The following KIZ variants were observed in gnomAD, a reference collection of about 807,000 sequenced individuals.
KIZ encodes the protein kizuna centrosomal protein.
Under a neutral mutation model 79.6 loss-of-function variants are expected in KIZ, and 68 were observed. The ratio of observed to expected loss-of-function variants is 0.85; its 90% confidence interval spans 0.70 to 1.05. The LOEUF is 1.05. Ranked by LOEUF, KIZ falls within the 50% of genes least tolerant of loss-of-function variation. The pLI is 0.00. For missense variants in KIZ, 797 were observed against 800.4 expected, an observed-to-expected ratio of 1.00 and a Z score of 0.05; for synonymous variants, 280 against 281.8, an observed-to-expected ratio of 0.99 and a Z score of 0.06.
chr20:21,180,236 TC>T (rs1375417029), intron 6 of KIZ, among the ~76,000 whole-genome samples: 6 of 150,566 alleles, frequency 4.0e-5, no homozygotes, highest in Admixed American at 2.6e-4. Context: ...TGCTCTTTGC[TC>T]CTTTTTTTTT....
intron 6 of KIZ, among the ~76,000 whole-genome samples, chr20:21,165,798 G>A (rs1407408165): frequency 3.9e-5 from 6 of 152,200 alleles, no homozygotes; most frequent in Non-Finnish European, 8.8e-5. Context: ...AATTATCCAA[G>A]GTGGACCTGA....
chr20:21,225,865 A>AGTCTGAAACCTG (rs1477905878), intron 9 of KIZ, among the ~76,000 whole-genome samples: 2 of 152,240 alleles, frequency 1.3e-5, no homozygotes, highest in Non-Finnish European at 2.9e-5. Context: ...TCTTGCCTCC[A>AGTCTGAAACCTG]GTCTGAAACC....
intron 2 of KIZ, 33 bp downstream of exon 2, chr20:21,132,192 C>T (rs1365521078): frequency 1.9e-6 from 2 of 1,049,612 alleles, no homozygotes; most frequent in African/African-American, 1.6e-5. Context: ...GTTTTCAAGC[C>T]AGGTTCCATA....
chr20:21,236,254 G>A (rs1385168135), intron 11 of KIZ, among the ~76,000 whole-genome samples: 5 of 152,200 alleles, frequency 3.3e-5, no homozygotes, highest in African/African-American at 1.2e-4. Context: ...TTAAATTACT[G>A]GTAGGCCTTT....
intron 6 of KIZ, among the ~76,000 whole-genome samples, chr20:21,190,834 A>G (rs2035076539): frequency 6.6e-6 from 1 of 152,232 alleles, no homozygotes; most frequent in African/African-American, 2.4e-5. Flanking sequence ...TTAAAGATCA[A>G]AGCCTTTTTA....
At chr20:21,157,737 C>T (rs2033452454) in intron 4 of KIZ, among the ~76,000 whole-genome samples, 1 of 152,162 alleles carries the variant, frequency 6.6e-6, no homozygotes, top group Admixed American at 6.5e-5. Context: ...TTTGGCCCTC[C>T]TCAGGTGTCT....
rs1600642742 is a variant in KIZ at position 21,246,481 on chromosome 20, C to T, written c.1927C>T (p.Leu643Phe). The change falls in exon 13 of 13, where the codon CTC (leucine) becomes TTC (phenylalanine). Residue 643 changes from leucine (L) to phenylalanine (F), a missense_variant and splice_region_variant. Physicochemically the swap from Leu to Phe is conservative, Grantham distance 22. Coordinates refer to ENST00000619189, the MANE Select transcript of KIZ (RefSeq NM_018474.6). Reference protein sequence around the residue: ...KPVINLKSNALWDESDDSNSE... With the variant: ...KPVINLKSNAFWDESDDSNSE... ...AACTGTCTGGTTTTATTTTCCAGCC[C>T]TCTGGGATGAGTCTGATGACAGTAA... 5 of 1,596,466 alleles carry T rather than the reference C, an allele frequency of 3.1e-6. No individual in the cohort carries two copies. The highest frequency in any genetic ancestry group is 4.3e-6 in the Non-Finnish European group (5 of 1,164,474).
At chr20:21,212,877 A>G (rs2036125593) in intron 7 of KIZ, among the ~76,000 whole-genome samples, 2 of 152,232 alleles carry the variant, frequency 1.3e-5, no homozygotes. Flanking sequence ...CTTCAAGGGC[A>G]GGACCCTACC....
intron 4 of KIZ, among the ~76,000 whole-genome samples, chr20:21,148,213 C>G (rs1264409628): frequency 6.6e-6 from 1 of 152,068 alleles, no homozygotes; most frequent in East Asian, 1.9e-4. Context: ...GGGAGAGGAT[C>G]TATCAAATTG....
chr20:21,126,032 G>A, upstream of KIZ: 1 of 1,360,454 alleles, frequency 7.4e-7, no homozygotes, highest in South Asian at 1.7e-5. Flanking sequence ...GTTTACCCGC[G>A]GTGCATGGTG....
At chr20:21,175,974 C>T (rs1268236066) in intron 6 of KIZ, among the ~76,000 whole-genome samples, 1 of 152,084 alleles carries the variant, frequency 6.6e-6, no homozygotes, top group Non-Finnish European at 1.5e-5. Context: ...TGAGATGGTG[C>T]CACTGCACTC....
chr20:21,215,557 T>C (rs2036252524), intron 8 of KIZ, 26 bp from the exon 9 acceptor site: 4 of 1,441,488 alleles, frequency 2.8e-6, no homozygotes, highest in East Asian at 2.3e-5. Flanking sequence ...GAAATACTTT[T>C]TTTTTATTAT....
chr20:21,127,949 A>G (rs866422289), intron 1 of KIZ, among the ~76,000 whole-genome samples: 1 of 152,236 alleles, frequency 6.6e-6, no homozygotes, highest in Non-Finnish European at 1.5e-5. Flanking sequence ...GTAGTTTTGC[A>G]AAGCAATGTG....
intron 3 of KIZ, among the ~76,000 whole-genome samples, chr20:21,142,818 G>A (rs2032641021): frequency 1.6e-5 from 1 of 63,282 alleles, no homozygotes; most frequent in South Asian, 5.3e-4. Context: ...AATAAATAAA[G>A]TAAAATAGAT....
In KIZ at chr20:21,246,498, T is replaced by C. The variant is rs1356590583; in HGVS notation, c.1944T>C (p.Asp648=). The C allele has an allele frequency of 6.2e-7, 1 of 1,608,410 alleles. No homozygotes were observed. Among genetic ancestry groups the C allele is most frequent in the East Asian group, 2.2e-5 (1 of 44,860 alleles). The stretch of plus-strand genomic sequence containing the variant: ...TTCCAGCCCTCTGGGATGAGTCTGA[T>C]GACAGTAACTCAGAAATTGAGGCTG... ...LKSNALWDES[D]DSNSEIEAAL... The change falls in exon 13 of 13, where the codon GAT becomes GAC. Residue 648 remains aspartate, a synonymous_variant. Coordinates refer to ENST00000619189, the MANE Select transcript of KIZ (RefSeq NM_018474.6).
At chr20:21,169,629 C>T (rs529054259) in intron 6 of KIZ, among the ~76,000 whole-genome samples, 87 of 152,210 alleles carry the variant, frequency 5.7e-4, no homozygotes, top group African/African-American at 1.9e-3. Flanking sequence ...CACATGCAGA[C>T]GTATGTTTGT....
chr20:21,166,431 G>A lies in KIZ; in HGVS notation c.1352+3272G>A, dbSNP rs182001692. ...GTTCACAACAATTTCCCAGCTCTGT[G>A]GTCATCAATGATTTCAAATTCGCCA... On this transcript the variant is annotated intron_variant, in intron 6 of 12. Transcript: ENST00000619189. 6,089 of 1,591,762 alleles carry A rather than the reference G, an allele frequency of 3.8e-3. 16 individuals are homozygous for A. The highest frequency in any genetic ancestry group is 4.8e-3 in the Non-Finnish European group (5,608 of 1,167,460).
chr20:21,163,260 A>G (rs757367411), intron 6 of KIZ, 101 bp downstream of exon 6: 1 of 787,864 alleles, frequency 1.3e-6, no homozygotes, highest in Non-Finnish European at 2.1e-6. Context: ...TCAGCCATGA[A>G]TGTGTAAATT....
rs572770509 is a variant in KIZ, at chr20:21,243,466, G to A, written c.1881-779G>A. On this transcript the variant is annotated intron_variant, in intron 11 of 12. Coordinates refer to ENST00000619189, the MANE Select transcript of KIZ (RefSeq NM_018474.6). The stretch of plus-strand genomic sequence containing the variant: ...GGGCGGTGGTGGTGCGTGGGGTAGG[G>A]CAAAGTGTCGAGCCATGCACCAAGA... 5.3e-5 allele frequency among the ~76,000 whole-genome samples: 8 copies of A among 152,260 alleles called. 1 individual carries two copies. In the South Asian group the frequency reaches 1.7e-3, roughly 32 times the overall value.
Sources: allele counts gnomAD v4.1 joint callset (sites outside exome capture counted in the v4.1 genomes callset), GRCh38; gene constraint gnomAD v4.1.1; transcripts MANE v1.5; gene names NCBI Gene and HGNC (gene_info 2026-07-23, HGNC 2026-07-21).